Variants in COL24A1 observed in about 807,000 individuals in gnomAD.
COL24A1 encodes collagen alpha-1(XXIV) chain.
A neutral mutation model predicts 253.9 loss-of-function variants in COL24A1; 224 were observed. That is an observed-to-expected ratio of 0.88 (90% CI 0.79 to 0.99). The LOEUF is 0.99. Ranked by LOEUF, COL24A1 falls within the 50% of genes least tolerant of loss-of-function variation. COL24A1 has a pLI of 0.00. For missense variants in COL24A1, 2,131 were observed against 2,068.5 expected (o/e 1.03, Z -0.59); for synonymous variants, 685 against 673.7 (o/e 1.02, Z -0.26).
intron 1 of COL24A1, among the ~76,000 whole-genome samples, chr1:86,152,267 A>C (rs1018507854): frequency 1.3e-5 from 2 of 152,170 alleles, no homozygotes; most frequent in African/African-American, 4.8e-5. Context: ...CAATCTAAAA[A>C]TCCAAAGTCC....
intron 39 of COL24A1, among the ~76,000 whole-genome samples, chr1:85,847,019 C>T (rs6576793): frequency 0.79 from 119,673 of 152,014 alleles, 47,447 homozygotes; most frequent in Non-Finnish European, 0.83. Flanking sequence ...GTAAAAAAGC[C>T]TATGAAACAG....
At chr1:85,911,998 A>C (rs1363337932) in intron 24 of COL24A1, among the ~76,000 whole-genome samples, 1 of 152,206 alleles carries the variant, frequency 6.6e-6, no homozygotes, top group Non-Finnish European at 1.5e-5. Flanking sequence ...CAACTAAATT[A>C]AAAGTTAAAT....
intron 59 of COL24A1, among the ~76,000 whole-genome samples, chr1:85,733,220 T>C (rs2389973): frequency 0.91 from 137,942 of 152,230 alleles, 63,129 homozygotes; most frequent in Non-Finnish European, 0.97. Flanking sequence ...AAATCATGGG[T>C]TTCATAGTAC....
chr1:85,740,955 A>C (rs960412151), intron 57 of COL24A1, among the ~76,000 whole-genome samples: 12 of 141,274 alleles, frequency 8.5e-5, no homozygotes, highest in African/African-American at 3.1e-4. Context: ...TAAAAATACA[A>C]AAAAAAAAAA....
At chr1:86,006,178 G>C (rs1193656806) in intron 19 of COL24A1, among the ~76,000 whole-genome samples, 2 of 152,132 alleles carry the variant, frequency 1.3e-5, no homozygotes, top group East Asian at 3.8e-4. Flanking sequence ...ACTTTATACA[G>C]AGAGGCAAAA....
intron 28 of COL24A1, among the ~76,000 whole-genome samples, chr1:85,905,501 T>C (rs1171116277): frequency 6.6e-6 from 1 of 152,034 alleles, no homozygotes; most frequent in African/African-American, 2.4e-5. Context: ...TTACCTAAAA[T>C]AGTAGTTCAG....
At chr1:86,049,239 C>T (rs1700133793) in intron 11 of COL24A1, among the ~76,000 whole-genome samples, 1 of 152,216 alleles carries the variant, frequency 6.6e-6, no homozygotes, top group Non-Finnish European at 1.5e-5. Context: ...ATTGTCATTA[C>T]AGCATATTTA....
chr1:85,941,730 G>A (rs965594642), intron 24 of COL24A1, among the ~76,000 whole-genome samples: 1 of 152,088 alleles, frequency 6.6e-6, no homozygotes, highest in Non-Finnish European at 1.5e-5. Flanking sequence ...CATATCTACA[G>A]GAAGCAGGCT....
chr1:85,980,015 T>A (rs1011522995), intron 20 of COL24A1, among the ~76,000 whole-genome samples: 2 of 152,160 alleles, frequency 1.3e-5, no homozygotes, highest in African/African-American at 4.8e-5. Flanking sequence ...ATACCAGAAA[T>A]GCAGGGATGG....
In COL24A1 at chr1:85,875,142, C is replaced by A. The variant is rs1680989370; in HGVS notation, c.3084+135G>T. 4.0e-6 allele frequency: 3 copies of A among 744,908 alleles called. No individual in the cohort carries two copies. The Admixed American group carries it at 7.2e-5, about 18-fold the overall frequency. 46.1% of individuals were successfully genotyped at this position (744,908 alleles called of 1,614,324 possible). ...CTGCTGTCATAAGGAATAGGAGTTC[C>A]AAAACATTTCCTGTTTTTATCTGGG... is the stretch of plus-strand genomic sequence containing the variant. On this transcript the variant is annotated intron_variant, in intron 34 of 59. Coordinates refer to ENST00000370571, the MANE Select transcript of COL24A1 (RefSeq NM_152890.7).
intron 46 of COL24A1, 31 bp from the exon 47 acceptor site, chr1:85,816,926 A>C (rs966928994): frequency 1.4e-6 from 2 of 1,457,278 alleles, no homozygotes; most frequent in East Asian, 4.5e-5. Flanking sequence ...TGGATTGTAG[A>C]GATGCTGAAA....
chr1:86,097,664 TCTC>T (rs1200199087), intron 5 of COL24A1, among the ~76,000 whole-genome samples: 9 of 133,788 alleles, frequency 6.7e-5, no homozygotes, highest in East Asian at 2.4e-4. Context: ...CTCCTCCCCT[TCTC>T]CTCCTCCTCC....
chr1:85,804,519 A>G (rs1274631084), intron 47 of COL24A1, among the ~76,000 whole-genome samples: 2 of 152,216 alleles, frequency 1.3e-5, no homozygotes, highest in Non-Finnish European at 2.9e-5. Flanking sequence ...TTACAAAAGA[A>G]AGAGGTTTAT....
intron 20 of COL24A1, among the ~76,000 whole-genome samples, chr1:85,978,174 T>A (rs1692883142): frequency 6.6e-6 from 1 of 152,102 alleles, no homozygotes; most frequent in Admixed American, 6.6e-5. Context: ...CAGACAAACG[T>A]GTGAAGAGCA....
intron 5 of COL24A1, among the ~76,000 whole-genome samples, chr1:86,107,690 A>G (rs989677399): frequency 1.3e-5 from 2 of 151,802 alleles, no homozygotes; most frequent in South Asian, 2.1e-4. Flanking sequence ...GCCTCCCACC[A>G]CGCCCGGCTA....
intron 2 of COL24A1, among the ~76,000 whole-genome samples, chr1:86,128,754 A>C (rs1648706728): frequency 6.6e-6 from 1 of 151,930 alleles, no homozygotes; most frequent in African/African-American, 2.4e-5. Context: ...TTAAAAATCA[A>C]ATGTGTTTGA....
intron 24 of COL24A1, among the ~76,000 whole-genome samples, chr1:85,920,098 T>C (rs1558654786): frequency 6.6e-6 from 1 of 152,172 alleles, no homozygotes; most frequent in African/African-American, 2.4e-5. Flanking sequence ...GGAGAGGATA[T>C]AGAGATGAGT....
chr1:85,951,302 T>C (rs1338149726), intron 24 of COL24A1, among the ~76,000 whole-genome samples: 1 of 152,054 alleles, frequency 6.6e-6, no homozygotes, highest in African/African-American at 2.4e-5. Flanking sequence ...ATAGTGTAGA[T>C]GAAAGTGCTG....
intron 52 of COL24A1, among the ~76,000 whole-genome samples, chr1:85,778,045 C>CTATT (rs1668758583): frequency 6.6e-6 from 1 of 151,778 alleles, no homozygotes; most frequent in Non-Finnish European, 1.5e-5. Flanking sequence ...ATCTATCTAT[C>CTATT]TATCTATCTA....
Sources: gnomAD v4.1 joint callset for allele counts (sites outside exome capture counted in the v4.1 genomes callset) on GRCh38, gnomAD v4.1.1 for gene constraint, MANE v1.5 for transcripts, NCBI Gene and HGNC (gene_info 2026-07-23, HGNC 2026-07-21) for gene names.